The following IGSF21 variants were observed in gnomAD, a reference collection of about 807,000 sequenced individuals.
IGSF21 encodes the protein immunoglobulin superfamily member 21.
Under a neutral mutation model 46.8 loss-of-function variants are expected in IGSF21, and 28 were observed. The observed-to-expected ratio is 0.60, with a 90% confidence interval of 0.44 to 0.82. The LOEUF (loss-of-function observed/expected upper bound fraction) is 0.82. IGSF21 is among the 40% of genes least tolerant of loss of function. The probability of loss-of-function intolerance (pLI) is 0.00; values close to 1 mark genes in which losing one functional copy is unlikely to be tolerated. For synonymous variants in IGSF21, 284 were observed against 273.6 expected, an observed-to-expected ratio of 1.04 and a Z score of -0.38; for missense variants, 624 against 665.5, an observed-to-expected ratio of 0.94 and a Z score of 0.69.
At chr1:18,194,676 C>T (rs1443163901) in intron 1 of IGSF21, among the ~76,000 whole-genome samples, 1 of 152,196 alleles carries the variant, frequency 6.6e-6, no homozygotes, top group African/African-American at 2.4e-5. Context: ...TGCCTCTTAA[C>T]TAATTACAAC....
intron 1 of IGSF21, among the ~76,000 whole-genome samples, chr1:18,155,845 G>T (rs2086563359): frequency 6.6e-6 from 1 of 152,232 alleles, no homozygotes; most frequent in East Asian, 1.9e-4. Flanking sequence ...GGTGCGCCAT[G>T]CTCCCATCCC....
intron 1 of IGSF21, among the ~76,000 whole-genome samples, chr1:18,172,514 T>C (rs367685646): frequency 3.2e-4 from 49 of 152,320 alleles, no homozygotes; most frequent in African/African-American, 1.2e-3. Flanking sequence ...AGGGCTCTCC[T>C]CCTGACTTGT....
At chr1:18,249,984 A>C (rs1417470986) in intron 2 of IGSF21, among the ~76,000 whole-genome samples, 1 of 151,868 alleles carries the variant, frequency 6.6e-6, no homozygotes, top group Non-Finnish European at 1.5e-5. Context: ...AGAGGTGTGG[A>C]CACGGAGGAG....
At chr1:18,301,644 C>T (rs1273405528) in intron 3 of IGSF21, among the ~76,000 whole-genome samples, 1 of 152,172 alleles carries the variant, frequency 6.6e-6, no homozygotes, top group Non-Finnish European at 1.5e-5. Flanking sequence ...CCAGCCCCAA[C>T]AAACAGTAAT....
chr1:18,198,016 A>G (rs1373655284), intron 1 of IGSF21, among the ~76,000 whole-genome samples: 1 of 152,146 alleles, frequency 6.6e-6, no homozygotes, highest in Admixed American at 6.5e-5. Flanking sequence ...AATGTGCTTA[A>G]AATGCTTGGC....
intron 2 of IGSF21, among the ~76,000 whole-genome samples, chr1:18,278,229 TTTATTTATTTATTTA>T (rs1414198298): frequency 6.8e-6 from 1 of 147,074 alleles, no homozygotes; most frequent in East Asian, 2.0e-4. Flanking sequence ...TATTTATTTA[TTTATTTATTTATTTA>T]TTTATTTTAT....
At chr1:18,128,684 TGAG>T (rs1047122772) in intron 1 of IGSF21, among the ~76,000 whole-genome samples, 1 of 152,154 alleles carries the variant, frequency 6.6e-6, no homozygotes, top group African/African-American at 2.4e-5. Context: ...CATTTGCAGA[TGAG>T]GAGACTGAGA....
intron 2 of IGSF21, among the ~76,000 whole-genome samples, chr1:18,285,828 C>T (rs999644458): frequency 1.3e-5 from 2 of 152,172 alleles, no homozygotes; most frequent in Non-Finnish European, 2.9e-5. Context: ...GTTACGATGA[C>T]AGGAGGTGAT....
At chr1:18,217,513 A>T (rs970186593) in intron 1 of IGSF21, among the ~76,000 whole-genome samples, 3 of 152,182 alleles carry the variant, frequency 2.0e-5, no homozygotes, top group African/African-American at 7.2e-5. Flanking sequence ...TCTCAGTCAA[A>T]CACAACTTCC....
intron 1 of IGSF21, among the ~76,000 whole-genome samples, chr1:18,145,193 T>C (rs2086454044): frequency 7.9e-6 from 1 of 127,202 alleles, no homozygotes; most frequent in Non-Finnish European, 1.6e-5. Context: ...CAGAGAGGAA[T>C]TTATGGAATA....
chr1:18,209,807 C>T (rs2084370899), intron 1 of IGSF21, among the ~76,000 whole-genome samples: 1 of 152,018 alleles, frequency 6.6e-6, no homozygotes, highest in Admixed American at 6.5e-5. Context: ...GTGGAGTGTG[C>T]CCTGCCCTGG....
chr1:18,112,730 A>G (rs2086154438), intron 1 of IGSF21: 1 of 152,108 alleles, frequency 6.6e-6, no homozygotes, highest in Admixed American at 6.6e-5. Flanking sequence ...CCAAACCCAC[A>G]CTGAAATAGA....
At chr1:18,116,243 C>A (rs35800064) in intron 1 of IGSF21, among the ~76,000 whole-genome samples, 1 of 151,934 alleles carries the variant, frequency 6.6e-6, no homozygotes, top group Admixed American at 6.6e-5. Context: ...CTCCCTCACC[C>A]GAGAATTGGT....
At chr1:18,194,383 A>G (rs61548847) in intron 1 of IGSF21, among the ~76,000 whole-genome samples, 1,978 of 152,330 alleles carry the variant, frequency 0.013, 36 homozygotes, top group African/African-American at 0.044. Flanking sequence ...GTGGCTTAGA[A>G]CAACAGAAAT....
At chr1:18,217,984 A>T (rs757656940) in intron 1 of IGSF21, among the ~76,000 whole-genome samples, 1 of 152,196 alleles carries the variant, frequency 6.6e-6, no homozygotes, top group African/African-American at 2.4e-5. Context: ...TCCTTCAACA[A>T]TTATTTATTG....
chr1:18,358,227 G>T (rs1478056657), intron 4 of IGSF21, among the ~76,000 whole-genome samples: 1 of 151,998 alleles, frequency 6.6e-6, no homozygotes, highest in Non-Finnish European at 1.5e-5. Context: ...TTATAAAATG[G>T]AAAGTCTAGA....
At chr1:18,260,721 T>G (rs1466972807) in intron 2 of IGSF21, among the ~76,000 whole-genome samples, 2 of 152,202 alleles carry the variant, frequency 1.3e-5, no homozygotes, top group African/African-American at 4.8e-5. Flanking sequence ...GCATGTCTTA[T>G]GGAAAGTTCC....
intron 2 of IGSF21, among the ~76,000 whole-genome samples, chr1:18,262,703 C>A (rs1042500726): frequency 6.6e-6 from 1 of 152,142 alleles, no homozygotes; most frequent in African/African-American, 2.4e-5. Context: ...TGCTTGGATC[C>A]TCGTTGCCTT....
At chr1:18,150,809 G>A (rs1034427697) in intron 1 of IGSF21, among the ~76,000 whole-genome samples, 8 of 152,216 alleles carry the variant, frequency 5.3e-5, no homozygotes, top group Admixed American at 2.0e-4. Flanking sequence ...CCCTCACCAA[G>A]GTCTCTCTGA....
Sources: allele counts gnomAD v4.1 joint callset (sites outside exome capture counted in the v4.1 genomes callset), GRCh38; gene constraint gnomAD v4.1.1; transcripts MANE v1.5; gene names NCBI Gene and HGNC (gene_info 2026-07-23, HGNC 2026-07-21).